The following PIK3AP1 variants were observed in gnomAD, a reference collection of about 807,000 sequenced individuals.
The protein encoded by PIK3AP1 is phosphoinositide-3-kinase adaptor protein 1, also known as phosphoinositide 3-kinase adapter protein 1.
PIK3AP1 carries 21 observed loss-of-function variants against 88.1 expected under a neutral mutation model. The ratio of observed to expected loss-of-function variants is 0.24; its 90% CI spans 0.17 to 0.34. The LOEUF is 0.34. Among genes scored for constraint, PIK3AP1 ranks in the 10% least tolerant of loss-of-function variants. The pLI is 1.00. For synonymous variants in PIK3AP1, 398 were observed against 400.0 expected, an observed-to-expected ratio of 1.00 and a Z score of 0.06; for missense variants, 828 against 1,035.7, an observed-to-expected ratio of 0.80 and a Z score of 2.75.
intron 10 of PIK3AP1, among the ~76,000 whole-genome samples, chr10:96,624,354 T>C (rs1843126487): frequency 6.6e-6 from 1 of 152,234 alleles, no homozygotes. Context: ...GCATGCTAGT[T>C]AACCCAAGGG....
chr10:96,687,374 GATAA>G (rs1844088474), intron 2 of PIK3AP1, among the ~76,000 whole-genome samples: 1 of 149,168 alleles, frequency 6.7e-6, no homozygotes, highest in African/African-American at 2.5e-5. Context: ...GTGGGTGTTT[GATAA>G]ATAGTGAATT....
intron 13 of PIK3AP1, among the ~76,000 whole-genome samples, chr10:96,611,616 C>T (rs377312055): frequency 1.6e-4 from 25 of 152,060 alleles, no homozygotes; most frequent in African/African-American, 5.6e-4. Flanking sequence ...ACTACAGGCA[C>T]GCGCCACCAT....
chr10:96,632,871 C>A, intron 8 of PIK3AP1: 2 of 1,609,954 alleles, frequency 1.2e-6, no homozygotes, highest in South Asian at 2.2e-5. Context: ...TAGGTTCAAT[C>A]GAACATTCAG....
At chr10:96,651,138 G>C in intron 6 of PIK3AP1, 110 bp downstream of exon 6, 2 of 1,404,590 alleles carry the variant, frequency 1.4e-6, no homozygotes, top group Non-Finnish European at 2.0e-6. Context: ...TATAGAGAAG[G>C]GACCCAGAAG....
intron 2 of PIK3AP1, among the ~76,000 whole-genome samples, chr10:96,661,852 GGGAAA>G (rs1361943331): frequency 1.0e-3 from 149 of 149,666 alleles, no homozygotes; most frequent in African/African-American, 3.4e-3. Context: ...AAAAGGGAAA[GGGAAA>G]GGAAAGGGAA....
chr10:96,636,263 T>A (rs1229388364), intron 8 of PIK3AP1, among the ~76,000 whole-genome samples: 4 of 151,828 alleles, frequency 2.6e-5, no homozygotes, highest in African/African-American at 7.3e-5. Context: ...TTAAAAAAAA[T>A]TATAAAAGAA....
chr10:96,710,133 C>T (rs1031843472), intron 1 of PIK3AP1, 150 bp from the exon 2 acceptor site: 39 of 674,444 alleles, frequency 5.8e-5, no homozygotes, highest in Admixed American at 4.6e-4. Context: ...ACCTCACTCA[C>T]GCATTTCTTT....
chr10:96,683,049 C>T (rs1346689460), intron 2 of PIK3AP1, among the ~76,000 whole-genome samples: 2 of 152,174 alleles, frequency 1.3e-5, no homozygotes, highest in Admixed American at 6.5e-5. Context: ...TGTTAAGAAT[C>T]GAACAACGCT....
rs1844413273 is a variant in PIK3AP1 at position 96,709,739 on chromosome 10, G to C, written c.258C>G (p.Pro86=). 2 of 1,613,972 alleles carry C rather than the reference G, an allele frequency of 1.2e-6. No homozygotes were observed. The highest frequency in any genetic ancestry group is 2.2e-5 in the East Asian group (1 of 44,894). Residue 86 remains proline (P), a synonymous_variant, in exon 2 of 17, where the codon CCC becomes CCG. Transcript: ENST00000339364. ...GAGGATGGAAAGCTCTCTGCAGCAG[G>C]GGCAGCAAGGCGGGCTTGTGGAAGT... ...VQHFHKPALL[P]LLQRAFHPPH...
chr10:96,688,331 C>T (rs976698325), intron 2 of PIK3AP1, among the ~76,000 whole-genome samples: 4 of 152,240 alleles, frequency 2.6e-5, no homozygotes, highest in South Asian at 2.1e-4. Context: ...GGATAAGTCA[C>T]AGGAACTTAG....
intron 6 of PIK3AP1, 59 bp downstream of exon 6, chr10:96,651,189 G>A (rs2134233856): frequency 6.2e-7 from 1 of 1,605,700 alleles, no homozygotes; most frequent in East Asian, 2.2e-5. Context: ...ATGGGATGCT[G>A]AAACCAGCAG....
chr10:96,714,356 T>G (rs576311693), intron 1 of PIK3AP1, among the ~76,000 whole-genome samples: 10 of 152,318 alleles, frequency 6.6e-5, no homozygotes, highest in African/African-American at 2.4e-4. Flanking sequence ...GACACAGACA[T>G]TAAAACTCGT....
chr10:96,598,401 C>T (rs150960140), intron 16 of PIK3AP1, among the ~76,000 whole-genome samples: 1,969 of 152,108 alleles, frequency 0.013, 30 homozygotes, highest in Non-Finnish European at 0.016. Flanking sequence ...CCCCTGCATA[C>T]GGTGGTAGAT....
chr10:96,680,598 T>C (rs1269572106), intron 2 of PIK3AP1, among the ~76,000 whole-genome samples: 2 of 152,222 alleles, frequency 1.3e-5, no homozygotes, highest in Non-Finnish European at 2.9e-5. Context: ...CTAAGGATAA[T>C]GGCCACCAGC....
intron 14 of PIK3AP1, among the ~76,000 whole-genome samples, chr10:96,605,821 C>T (rs1298036812): frequency 6.6e-6 from 1 of 152,172 alleles, no homozygotes. Context: ...TGCGGTGGCT[C>T]ACGCCTGTAA....
intron 7 of PIK3AP1, among the ~76,000 whole-genome samples, chr10:96,648,118 A>G (rs1306934170): frequency 6.6e-6 from 1 of 152,108 alleles, no homozygotes; most frequent in Non-Finnish European, 1.5e-5. Context: ...TGCTGCCCTG[A>G]TGCCTTTCCA....
chr10:96,651,300 G>A lies in PIK3AP1; in HGVS notation c.936C>T (p.Ser312=), dbSNP rs763294320. The change falls in exon 6 of 17, where the codon AGC becomes AGT. Residue 312 remains serine (S), a synonymous_variant. Coordinates refer to ENST00000339364, the MANE Select transcript of PIK3AP1 (RefSeq NM_152309.3). ...GGTTGATTCCAAAGAGGTGCAGTCC[G>A]CTTGCAGGGATATTGTTCTTCAGGG... The part of the protein sequence containing the change: ...TESLKNNIPA[S]GLHLFGINQL... The A allele has an allele frequency of 1.4e-5, 23 of 1,614,044 alleles. No homozygotes were observed. The highest frequency in any genetic ancestry group is 1.2e-4 in the African/African-American group (9 of 74,910).
chr10:96,639,966 C>A (rs1255409455), intron 8 of PIK3AP1, among the ~76,000 whole-genome samples: 1 of 152,194 alleles, frequency 6.6e-6, no homozygotes, highest in African/African-American at 2.4e-5. Flanking sequence ...TGGAACCCAG[C>A]TTGCAGAGAG....
At chr10:96,671,980 A>G (rs1843853245) in intron 2 of PIK3AP1, among the ~76,000 whole-genome samples, 1 of 152,188 alleles carries the variant, frequency 6.6e-6, no homozygotes. Context: ...TCAAAGCTGC[A>G]GTGGCCCATG....
Sources: gnomAD v4.1 joint callset for allele counts (sites outside exome capture counted in the v4.1 genomes callset) on GRCh38, gnomAD v4.1.1 for gene constraint, MANE v1.5 for transcripts, NCBI Gene and HGNC (gene_info 2026-07-23, HGNC 2026-07-21) for gene names.